Variants in EPHA3 observed in about 807,000 individuals in gnomAD.
The protein encoded by EPHA3 is EPH receptor A3.
In EPHA3, 42 loss-of-function variants were observed where a neutral mutation model predicts 107.1. The observed-to-expected ratio is 0.39, with a 90% CI of 0.31 to 0.51. The LOEUF is 0.51. Among genes scored for constraint, EPHA3 ranks in the 20% least tolerant of loss-of-function variants. The probability of loss-of-function intolerance (pLI) is 0.78; values close to 1 mark genes in which losing one functional copy is unlikely to be tolerated. For synonymous variants in EPHA3, 461 were observed against 424.8 expected, an observed-to-expected ratio of 1.09 and a Z score of -1.05; for missense variants, 1,183 against 1,211.2, an observed-to-expected ratio of 0.98 and a Z score of 0.35.
chr3:89,377,837 CT>C (rs1182909291), intron 5 of EPHA3, among the ~76,000 whole-genome samples: 1 of 151,856 alleles, frequency 6.6e-6, no homozygotes, highest in Admixed American at 6.6e-5. Flanking sequence ...TCATACAGAT[CT>C]TTTTTTCAAC....
At chr3:89,412,339 A>C (rs1709170948) in intron 9 of EPHA3, among the ~76,000 whole-genome samples, 1 of 151,672 alleles carries the variant, frequency 6.6e-6, no homozygotes, top group African/African-American at 2.4e-5. Flanking sequence ...AATAAATATA[A>C]TATGAAGGAG....
At chr3:89,410,229 G>T (rs1278110593) in intron 9 of EPHA3, among the ~76,000 whole-genome samples, 1 of 151,866 alleles carries the variant, frequency 6.6e-6, no homozygotes, top group African/African-American at 2.4e-5. Flanking sequence ...TTAATTAATA[G>T]AAATTAATAG....
intron 2 of EPHA3, among the ~76,000 whole-genome samples, chr3:89,131,732 A>T (rs1338113536): frequency 1.3e-5 from 2 of 152,222 alleles, no homozygotes; most frequent in African/African-American, 4.8e-5. Context: ...TGTGGAAAAC[A>T]GAAAGAGGTA....
chr3:89,152,333 A>G (rs1704707105), intron 2 of EPHA3, among the ~76,000 whole-genome samples: 1 of 152,036 alleles, frequency 6.6e-6, no homozygotes, highest in Non-Finnish European at 1.5e-5. Flanking sequence ...CGACCTCCTC[A>G]TGCTGTTCCT....
chr3:89,354,490 C>T (rs1354189603), intron 5 of EPHA3, among the ~76,000 whole-genome samples: 2 of 150,820 alleles, frequency 1.3e-5, no homozygotes, highest in East Asian at 3.9e-4. Context: ...AAATACATCC[C>T]TTTCTTAAGT....
chr3:89,341,108 G>A, intron 4 of EPHA3, 37 bp downstream of exon 4: 1 of 1,591,676 alleles, frequency 6.3e-7, no homozygotes. Flanking sequence ...CTCCATGTTT[G>A]TTTTGTTTTC....
intron 5 of EPHA3, among the ~76,000 whole-genome samples, chr3:89,372,895 C>T (rs1335840168): frequency 2.6e-5 from 4 of 151,544 alleles, no homozygotes; most frequent in Non-Finnish European, 5.9e-5. Flanking sequence ...CAGCTAAAAC[C>T]ACAAAAGAAC....
At chr3:89,135,190 T>C (rs1305250025) in intron 2 of EPHA3, among the ~76,000 whole-genome samples, 1 of 152,154 alleles carries the variant, frequency 6.6e-6, no homozygotes, top group Non-Finnish European at 1.5e-5. Flanking sequence ...TCCTGACTTT[T>C]CACAAGCCAC....
chr3:89,181,850 A>C (rs1705450502), intron 2 of EPHA3, among the ~76,000 whole-genome samples: 2 of 152,020 alleles, frequency 1.3e-5, no homozygotes, highest in Admixed American at 1.3e-4. Flanking sequence ...AAGTCTTCAA[A>C]GTAAGAAATG....
intron 2 of EPHA3, among the ~76,000 whole-genome samples, chr3:89,169,604 C>T (rs1018646192): frequency 2.0e-5 from 3 of 152,078 alleles, no homozygotes; most frequent in African/African-American, 7.2e-5. Context: ...CACAGGTGAC[C>T]ATACAGTGTT....
Position 89,450,205 on chromosome 3 carries a change from G to T in EPHA3, c.2525G>T (p.Arg842Leu), listed in dbSNP as rs758183213. The T allele has an allele frequency of 6.2e-7, 1 of 1,607,428 alleles. No homozygotes were observed. The highest frequency in any genetic ancestry group is 8.5e-7 in the Non-Finnish European group (1 of 1,176,872). The change falls in exon 15 of 17, where the codon CGA (arginine) becomes CTA (leucine). Residue 842 changes from arginine (R) to leucine (L), a missense_variant. Transcript: ENST00000336596. ...DVIKAVDEGY[R>L]LPPPMDCPAA... ...ATTAAAGCTGTAGATGAGGGCTATC[G>T]ACTGCCACCCCCCATGGACTGCCCA...
chr3:89,202,515 CAAAAAAA>C (rs375753577), intron 2 of EPHA3, among the ~76,000 whole-genome samples: 192 of 116,828 alleles, frequency 1.6e-3, no homozygotes, highest in South Asian at 6.1e-3. Flanking sequence ...GACTCTGTCT[CAAAAAAA>C]AAAAAAAAAA....
intron 15 of EPHA3, among the ~76,000 whole-genome samples, chr3:89,467,697 T>C (rs1361942313): frequency 6.6e-6 from 1 of 152,056 alleles, no homozygotes; most frequent in Non-Finnish European, 1.5e-5. Context: ...ACCTCTCTAA[T>C]GCAACAGTAT....
intron 15 of EPHA3, among the ~76,000 whole-genome samples, chr3:89,470,582 A>G (rs1710379237): frequency 6.6e-6 from 1 of 152,220 alleles, no homozygotes; most frequent in Non-Finnish European, 1.5e-5. Flanking sequence ...AGTATGTGGT[A>G]TACCTGGGAT....
At chr3:89,251,065 T>A (rs1027388691) in intron 3 of EPHA3, among the ~76,000 whole-genome samples, 1 of 152,154 alleles carries the variant, frequency 6.6e-6, no homozygotes, top group African/African-American at 2.4e-5. Context: ...TAGCCTTAGA[T>A]CAAAGCAGTC....
intron 2 of EPHA3, among the ~76,000 whole-genome samples, chr3:89,154,868 G>A (rs1704764558): frequency 6.8e-6 from 1 of 147,568 alleles, no homozygotes; most frequent in African/African-American, 2.5e-5. Flanking sequence ...AAGCATCTAA[G>A]AACATATATA....
chr3:89,134,504 G>T (rs1392310977), intron 2 of EPHA3, among the ~76,000 whole-genome samples: 1 of 152,102 alleles, frequency 6.6e-6, no homozygotes, highest in East Asian at 1.9e-4. Flanking sequence ...TGCTGAGAAT[G>T]ATGGTTTCCA....
At chr3:89,474,725 A>G (rs1371903371) in intron 16 of EPHA3, among the ~76,000 whole-genome samples, 2 of 152,228 alleles carry the variant, frequency 1.3e-5, no homozygotes, top group Non-Finnish European at 2.9e-5. Context: ...TATGAATGTG[A>G]TAAGAAAGCT....
At chr3:89,386,990 G>T (rs1708635380) in intron 5 of EPHA3, among the ~76,000 whole-genome samples, 1 of 152,174 alleles carries the variant, frequency 6.6e-6, no homozygotes, top group African/African-American at 2.4e-5. Flanking sequence ...TCGTATCTGG[G>T]AAGTAAGTGA....
Sources: allele counts gnomAD v4.1 joint callset (sites outside exome capture counted in the v4.1 genomes callset), GRCh38; gene constraint gnomAD v4.1.1; transcripts MANE v1.5; gene names NCBI Gene and HGNC (gene_info 2026-07-23, HGNC 2026-07-21).